The following ERC2 variants were observed in gnomAD, a reference collection of about 807,000 sequenced individuals.
The protein encoded by ERC2 is ELKS/RAB6-interacting/CAST family member 2.
In ERC2, 42 loss-of-function variants were observed where a neutral mutation model predicts 114.8. The observed-to-expected ratio is 0.37, with a 90% confidence interval of 0.29 to 0.47. The LOEUF is 0.47. Ranked by LOEUF, ERC2 falls within the 20% of genes least tolerant of loss-of-function variation. The probability of loss-of-function intolerance (pLI) is 0.99; values close to 1 mark genes in which losing one functional copy is unlikely to be tolerated. For missense variants in ERC2, 939 were observed against 1,150.7 expected (o/e 0.82, Z 2.66); for synonymous variants, 454 against 425.5 (o/e 1.07, Z -0.82).
chr3:55,937,611 G>A (rs2066528951), intron 13 of ERC2, among the ~76,000 whole-genome samples: 1 of 152,198 alleles, frequency 6.6e-6, no homozygotes, highest in Non-Finnish European at 1.5e-5. Context: ...TTAGGCAGAG[G>A]AGGCTTGTGG....
intron 10 of ERC2, among the ~76,000 whole-genome samples, chr3:56,005,924 T>C (rs753705617): frequency 3.9e-5 from 6 of 152,094 alleles, no homozygotes; most frequent in Non-Finnish European, 8.8e-5. Flanking sequence ...CAATACATCA[T>C]AGCCAAGTCA....
chr3:56,349,607 C>G (rs555665407), intron 2 of ERC2, among the ~76,000 whole-genome samples: 1 of 152,124 alleles, frequency 6.6e-6, no homozygotes, highest in African/African-American at 2.4e-5. Flanking sequence ...GGATGAGGAT[C>G]GAAAAACTAC....
At chr3:55,533,506 T>A (rs1047920858) in intron 17 of ERC2, among the ~76,000 whole-genome samples, 1 of 152,166 alleles carries the variant, frequency 6.6e-6, no homozygotes, top group Non-Finnish European at 1.5e-5. Context: ...AGGGGAGTGA[T>A]CATAGTTCCA....
At chr3:56,194,136 C>T (rs1375564514) in intron 3 of ERC2, among the ~76,000 whole-genome samples, 1 of 151,992 alleles carries the variant, frequency 6.6e-6, no homozygotes, top group Non-Finnish European at 1.5e-5. Context: ...GTGACAAATA[C>T]CCAACATGTA....
At chr3:56,388,068 C>T (rs1437588340) in intron 2 of ERC2, among the ~76,000 whole-genome samples, 1 of 152,098 alleles carries the variant, frequency 6.6e-6, no homozygotes, top group African/African-American at 2.4e-5. Flanking sequence ...TATACAAATC[C>T]TAACTCATCA....
chr3:56,166,177 T>C (rs2082316597), intron 4 of ERC2, among the ~76,000 whole-genome samples: 1 of 152,042 alleles, frequency 6.6e-6, no homozygotes, highest in Non-Finnish European at 1.5e-5. Context: ...CCTCTTAATA[T>C]GGTGGATAAC....
At chr3:55,753,639 G>A (rs760384158) in intron 14 of ERC2, among the ~76,000 whole-genome samples, 18 of 152,312 alleles carry the variant, frequency 1.2e-4, no homozygotes, top group Admixed American at 5.2e-4. Flanking sequence ...TCACCAGTCC[G>A]AATGGCTAAT....
chr3:55,846,269 T>C lies in ERC2; in HGVS notation c.2564+42120A>G, dbSNP rs140908704. Among the ~76,000 whole-genome samples, 28 of 152,358 alleles carry C rather than the reference T, an allele frequency of 1.8e-4. No individual in the cohort carries two copies. The East Asian group carries it at 5.0e-3, about 27-fold the overall frequency. On this transcript the variant is annotated intron_variant, in intron 14 of 17. Coordinates refer to ENST00000288221, the MANE Select transcript of ERC2 (RefSeq NM_015576.3). ...GGTATTTGGTTTTCTCTTCCTGCCT[T>C]AGTTTGCTAAGAATAATGGCCTCTA...
intron 3 of ERC2, among the ~76,000 whole-genome samples, chr3:56,182,995 C>T (rs1343592975): frequency 6.6e-6 from 1 of 152,010 alleles, no homozygotes; most frequent in African/African-American, 2.4e-5. Flanking sequence ...ATTTTAATAA[C>T]CTTCTCAATC....
intron 17 of ERC2, among the ~76,000 whole-genome samples, chr3:55,567,847 C>A (rs984248624): frequency 6.6e-6 from 1 of 152,150 alleles, no homozygotes; most frequent in Non-Finnish European, 1.5e-5. Flanking sequence ...TAACAGACAG[C>A]AGCCTGGAAA....
At chr3:55,989,936 G>C (rs534245896) in intron 11 of ERC2, among the ~76,000 whole-genome samples, 1 of 152,098 alleles carries the variant, frequency 6.6e-6, no homozygotes, top group Non-Finnish European at 1.5e-5. Flanking sequence ...AGTGGACTAG[G>C]AATCAGGAAA....
At chr3:55,791,368 C>T (rs1309069322) in intron 14 of ERC2, among the ~76,000 whole-genome samples, 3 of 152,026 alleles carry the variant, frequency 2.0e-5, no homozygotes, top group African/African-American at 7.2e-5. Flanking sequence ...AGGTACATAT[C>T]TCTATGTATG....
At chr3:56,448,871 C>G (rs546110148) in intron 1 of ERC2, among the ~76,000 whole-genome samples, 12 of 152,120 alleles carry the variant, frequency 7.9e-5, no homozygotes, top group Non-Finnish European at 1.2e-4. Flanking sequence ...GTCAGGAGAT[C>G]GAGACCATCC....
At chr3:55,784,384 T>A (rs2069308830) in intron 14 of ERC2, among the ~76,000 whole-genome samples, 1 of 152,228 alleles carries the variant, frequency 6.6e-6, no homozygotes, top group African/African-American at 2.4e-5. Flanking sequence ...CAAGAGAGTT[T>A]CTATAGGACT....
chr3:56,373,152 TAA>T (rs774702687), intron 2 of ERC2, among the ~76,000 whole-genome samples: 23 of 152,228 alleles, frequency 1.5e-4, no homozygotes, highest in Non-Finnish European at 2.5e-4. Flanking sequence ...TAATTTCATA[TAA>T]GTCTATTTTA....
intron 17 of ERC2, among the ~76,000 whole-genome samples, chr3:55,556,874 G>A (rs2055649861): frequency 6.6e-6 from 1 of 152,128 alleles, no homozygotes; most frequent in Non-Finnish European, 1.5e-5. Context: ...GTTGAAAAAG[G>A]GAAGAGCTGA....
intron 17 of ERC2, among the ~76,000 whole-genome samples, chr3:55,621,496 G>A (rs1176808670): frequency 3.3e-5 from 5 of 152,030 alleles, no homozygotes; most frequent in South Asian, 2.1e-4. Context: ...CCCTCCTGCC[G>A]TTTCTTCTTT....
chr3:55,899,926 T>C (rs1396626792), intron 13 of ERC2, among the ~76,000 whole-genome samples: 5 of 152,174 alleles, frequency 3.3e-5, no homozygotes, highest in African/African-American at 1.2e-4. Flanking sequence ...TCTGATCCCA[T>C]GGAAAAAGCA....
At chr3:56,097,036 T>C (rs2149795916) in intron 6 of ERC2, among the ~76,000 whole-genome samples, 1 of 152,328 alleles carries the variant, frequency 6.6e-6, no homozygotes, top group African/African-American at 2.4e-5. Context: ...TTTAGGAACA[T>C]ACTTTCACAT....
Sources: gnomAD v4.1 joint callset for allele counts (sites outside exome capture counted in the v4.1 genomes callset) on GRCh38, gnomAD v4.1.1 for gene constraint, MANE v1.5 for transcripts, NCBI Gene and HGNC (gene_info 2026-07-23, HGNC 2026-07-21) for gene names.